ZNF438: variants seen among roughly 807,000 people sequenced by gnomAD.
ZNF438 encodes the protein zinc finger protein 438.
A neutral mutation model predicts 38.0 loss-of-function variants in ZNF438; 25 were observed. The observed-to-expected ratio is 0.66, with a 90% CI of 0.48 to 0.92. The LOEUF is 0.92. Among genes scored for constraint, ZNF438 ranks in the 40% least tolerant of loss-of-function variants. The probability of loss-of-function intolerance (pLI) is 0.00; values close to 1 mark genes in which losing one functional copy is unlikely to be tolerated. For synonymous variants in ZNF438, 372 were observed against 364.1 expected, an observed-to-expected ratio of 1.02 and a Z score of -0.25; for missense variants, 1,007 against 999.6, an observed-to-expected ratio of 1.01 and a Z score of -0.10.
chr10:31,000,438 AC>A, intron 1 of ZNF438, among the ~76,000 whole-genome samples: 1 of 152,310 alleles, frequency 6.6e-6, no homozygotes, highest in East Asian at 1.9e-4. Context: ...AATCTGAGAA[AC>A]ACTGATGTAT....
At chr10:30,982,244 G>T (rs1033659197) in intron 1 of ZNF438, among the ~76,000 whole-genome samples, 2 of 151,868 alleles carry the variant, frequency 1.3e-5, no homozygotes, top group African/African-American at 4.8e-5. Context: ...TGGGACTACA[G>T]GCACCTGCCA....
At chr10:30,901,251 T>G (rs933855162) in intron 3 of ZNF438, among the ~76,000 whole-genome samples, 4 of 152,224 alleles carry the variant, frequency 2.6e-5, no homozygotes, top group African/African-American at 9.7e-5. Flanking sequence ...TCAGGGATCA[T>G]ATGAAAACGA....
chr10:30,877,803 A>C (rs1471120444), intron 3 of ZNF438, among the ~76,000 whole-genome samples: 1 of 152,192 alleles, frequency 6.6e-6, no homozygotes, highest in Admixed American at 6.5e-5. Flanking sequence ...TTTTTTTATA[A>C]GTTCTTAAAC....
chr10:30,944,717 T>C (rs775343716), intron 1 of ZNF438, among the ~76,000 whole-genome samples: 3 of 152,028 alleles, frequency 2.0e-5, no homozygotes, highest in Non-Finnish European at 4.4e-5. Flanking sequence ...CAAGGGAGAG[T>C]ACTAAATAAT....
chr10:31,031,634 G>A (rs1252872794), intron 1 of ZNF438, among the ~76,000 whole-genome samples, 199 bp downstream of exon 1: 2 of 152,008 alleles, frequency 1.3e-5, no homozygotes, highest in Non-Finnish European at 1.5e-5. Context: ...GCCCCACGGG[G>A]CGCGGCCTCG....
chr10:30,845,452 A>G (rs765298876), exon 6 of ZNF438: 1 of 1,614,078 alleles, frequency 6.2e-7, no homozygotes, highest in South Asian at 1.1e-5. Context: ...ACATCAAGTA[A>G]ATGAAATTTT....
chr10:31,000,634 T>G (rs569238255), intron 1 of ZNF438, among the ~76,000 whole-genome samples: 1 of 152,312 alleles, frequency 6.6e-6, no homozygotes, highest in South Asian at 2.1e-4. Context: ...CCCAGACTTT[T>G]AGAAGGGACA....
intron 1 of ZNF438, among the ~76,000 whole-genome samples, chr10:30,952,136 A>C (rs1032367766): frequency 5.9e-5 from 9 of 151,778 alleles, no homozygotes; most frequent in Admixed American, 2.0e-4. Flanking sequence ...ACCTGACAAA[A>C]ACAAGCAATG....
intron 2 of ZNF438, among the ~76,000 whole-genome samples, chr10:30,938,072 G>T (rs1198722966): frequency 1.3e-5 from 2 of 152,100 alleles, no homozygotes; most frequent in African/African-American, 2.4e-5. Flanking sequence ...CTAAGATCTA[G>T]GGACTTAATA....
intron 1 of ZNF438, among the ~76,000 whole-genome samples, chr10:30,976,730 C>T (rs547960638): frequency 9.5e-6 from 1 of 105,334 alleles, no homozygotes; most frequent in Non-Finnish European, 2.0e-5. Context: ...AAGCAAGACC[C>T]TTTATTTAAT....
intron 1 of ZNF438, among the ~76,000 whole-genome samples, chr10:30,988,680 A>G (rs1436429987): frequency 6.6e-6 from 1 of 152,154 alleles, no homozygotes; most frequent in Non-Finnish European, 1.5e-5. Context: ...TTTAGAAATA[A>G]CTTTATTTTT....
At chr10:30,930,451 C>A (rs1386791676) in intron 2 of ZNF438, among the ~76,000 whole-genome samples, 3 of 152,070 alleles carry the variant, frequency 2.0e-5, no homozygotes, top group Non-Finnish European at 4.4e-5. Flanking sequence ...GCAGAGGGAG[C>A]CGGCTCTGGC....
At chr10:31,017,500 C>T (rs2056284306) in intron 1 of ZNF438, among the ~76,000 whole-genome samples, 1 of 152,178 alleles carries the variant, frequency 6.6e-6, no homozygotes, top group Non-Finnish European at 1.5e-5. Flanking sequence ...ACATAATCTC[C>T]TAAAAATTTC....
chr10:30,848,249 C>T (rs1285885627), intron 5 of ZNF438, among the ~76,000 whole-genome samples: 5 of 152,110 alleles, frequency 3.3e-5, no homozygotes, highest in Non-Finnish European at 7.3e-5. Flanking sequence ...TAAAATAACG[C>T]AAATTCTGTG....
intron 4 of ZNF438, chr10:30,857,886 G>A (rs2034935892): frequency 1.7e-6 from 1 of 605,892 alleles, no homozygotes; most frequent in Non-Finnish European, 2.5e-6. Flanking sequence ...TCACAATGCA[G>A]CTACCACAAA....
At chr10:30,848,949 T>C in exon 5 of ZNF438, 1 of 1,614,148 alleles carries the variant, frequency 6.2e-7, no homozygotes, top group Admixed American at 1.7e-5. Context: ...GGGGAAGAGC[T>C]GTTGTCTTGC....
chr10:30,959,126 T>C lies in ZNF438; in HGVS notation c.-191-17475A>G, dbSNP rs2049184031. On this transcript the variant is annotated intron_variant, in intron 1 of 5. Transcript: ENST00000413025. ...TTTATATGGCACAATGATTAAAAAT[T>C]ATGTATCAGTTTGGCTGGACCACAG... 4.1e-5 allele frequency among the ~76,000 whole-genome samples: 6 copies of C among 147,446 alleles called. 2 individuals carry two copies. The Admixed American group carries it at 4.1e-4, about 10-fold the overall frequency.
intron 4 of ZNF438, chr10:30,857,691 C>T: frequency 1.3e-6 from 2 of 1,505,142 alleles, no homozygotes; most frequent in Non-Finnish European, 1.8e-6. Flanking sequence ...ATCCATAGGA[C>T]TCTGAGAAAT....
intron 3 of ZNF438, among the ~76,000 whole-genome samples, chr10:30,900,560 A>C (rs1018104678): frequency 4.3e-4 from 65 of 152,294 alleles, no homozygotes; most frequent in African/African-American, 1.5e-3. Flanking sequence ...AGTATACGCT[A>C]ATTTCTTTAA....
Sources: allele counts gnomAD v4.1 joint callset (sites outside exome capture counted in the v4.1 genomes callset), GRCh38; gene constraint gnomAD v4.1.1; transcripts MANE v1.5; gene names NCBI Gene and HGNC (gene_info 2026-07-23, HGNC 2026-07-21).